The following CAMK4 variants were observed in gnomAD, a reference collection of about 807,000 sequenced individuals.
CAMK4 encodes the protein calcium/calmodulin dependent protein kinase IV, also known as calcium/calmodulin-dependent protein kinase type IV.
In CAMK4, 22 loss-of-function variants were observed where a neutral mutation model predicts 44.9. The ratio of observed to expected loss-of-function variants is 0.49; its 90% CI spans 0.35 to 0.70. CAMK4 has a LOEUF of 0.70. Among genes scored for constraint, CAMK4 ranks in the 30% least tolerant of loss-of-function variants. The pLI is 0.01. For synonymous variants in CAMK4, 218 were observed against 215.4 expected (o/e 1.01, Z -0.11); for missense variants, 498 against 586.8 (o/e 0.85, Z 1.56).
chr5:111,294,427 T>C (rs533414498), intron 1 of CAMK4, among the ~76,000 whole-genome samples: 1 of 152,344 alleles, frequency 6.6e-6, no homozygotes, highest in South Asian at 2.1e-4. Flanking sequence ...AATGTGCATA[T>C]TTTTGTAATT....
intron 1 of CAMK4, among the ~76,000 whole-genome samples, chr5:111,260,987 C>T (rs550573647): frequency 1.3e-5 from 2 of 152,284 alleles, no homozygotes; most frequent in Admixed American, 6.5e-5. Context: ...TGCTCTCACC[C>T]TACCTTTCAA....
chr5:111,253,579 A>G (rs1179495280), intron 1 of CAMK4, among the ~76,000 whole-genome samples: 4 of 152,244 alleles, frequency 2.6e-5, no homozygotes, highest in Admixed American at 1.3e-4. Context: ...CCATGTTGAG[A>G]AAAATGAAAG....
intron 1 of CAMK4, among the ~76,000 whole-genome samples, chr5:111,228,395 G>A (rs534429712): frequency 6.6e-6 from 1 of 151,906 alleles, no homozygotes; most frequent in Non-Finnish European, 1.5e-5. Flanking sequence ...ACAATTATGT[G>A]TATACATTTA....
chr5:111,312,890 C>A (rs73786891), intron 1 of CAMK4, among the ~76,000 whole-genome samples: 3,140 of 152,184 alleles, frequency 0.021, 110 homozygotes, highest in African/African-American at 0.071. Context: ...CGTTTTAATG[C>A]GGCCCTCCTT....
rs1755875414 is a variant in CAMK4 at position 111,492,331 on chromosome 5, C to T, written c.*7865C>T. 6.6e-6 allele frequency: 1 copy of T among 151,982 alleles called. No homozygotes were observed. Among genetic ancestry groups the T allele is most frequent in the Non-Finnish European group, 1.5e-5 (1 of 68,004 alleles). 9.4% of individuals were successfully genotyped at this position (151,982 alleles called of 1,614,324 possible). On this transcript the variant is annotated 3_prime_UTR_variant, in exon 11 of 11. Transcript: ENST00000282356. Reference sequence around the variant, plus strand: ...CAGCAATATTATTGCTCTATTATTACAGCAATCAATAATATAATATAGCCA... The same window carrying T: ...CAGCAATATTATTGCTCTATTATTATAGCAATCAATAATATAATATAGCCA...
intron 1 of CAMK4, among the ~76,000 whole-genome samples, chr5:111,335,855 A>C (rs1349018640): frequency 1.3e-5 from 2 of 151,398 alleles, no homozygotes; most frequent in African/African-American, 4.8e-5. Flanking sequence ...TATAATGTAC[A>C]AATACTACAT....
chr5:111,327,269 T>C (rs569921512), intron 1 of CAMK4, among the ~76,000 whole-genome samples: 110 of 152,282 alleles, frequency 7.2e-4, no homozygotes, highest in African/African-American at 2.5e-3. Flanking sequence ...TTTGGTTTTT[T>C]GTCCTTGTGA....
intron 5 of CAMK4, among the ~76,000 whole-genome samples, chr5:111,423,145 G>A (rs1025459401): frequency 1.3e-5 from 2 of 152,126 alleles, no homozygotes; most frequent in African/African-American, 2.4e-5. Context: ...GTTTCTAAAG[G>A]AAAACGAGGC....
chr5:111,264,006 C>T (rs778666602), intron 1 of CAMK4, among the ~76,000 whole-genome samples: 9 of 152,218 alleles, frequency 5.9e-5, no homozygotes, highest in Non-Finnish European at 1.0e-4. Context: ...TCCTTTCTGT[C>T]TTTTGAAACT....
intron 2 of CAMK4, among the ~76,000 whole-genome samples, chr5:111,356,627 A>G (rs1014426705): frequency 7.9e-5 from 12 of 152,282 alleles, no homozygotes; most frequent in Admixed American, 7.2e-4. Flanking sequence ...TAGGGTTTTT[A>G]TGGTTTTAGG....
intron 1 of CAMK4, among the ~76,000 whole-genome samples, chr5:111,226,149 T>C (rs1406123205): frequency 2.0e-5 from 3 of 152,218 alleles, no homozygotes; most frequent in African/African-American, 7.2e-5. Context: ...GTAGCACATC[T>C]GTTTTCAGAG....
chr5:111,381,932 G>T (rs947182054), intron 4 of CAMK4, among the ~76,000 whole-genome samples: 8 of 24,708 alleles, frequency 3.2e-4, no homozygotes, highest in Middle Eastern at 0.019. Flanking sequence ...TATGAAAACA[G>T]AATTAGTAAT....
At chr5:111,280,008 T>C (rs1297569462) in intron 1 of CAMK4, among the ~76,000 whole-genome samples, 1 of 152,208 alleles carries the variant, frequency 6.6e-6, no homozygotes, top group South Asian at 2.1e-4. Context: ...CACAGCAGTA[T>C]TGAGGTCAGA....
intron 5 of CAMK4, among the ~76,000 whole-genome samples, chr5:111,429,938 A>G (rs1753378329): frequency 6.6e-6 from 1 of 151,070 alleles, no homozygotes; most frequent in South Asian, 2.1e-4. Flanking sequence ...AAAAAATAGA[A>G]GAGGAGGGAA....
rs76222718 is a variant in CAMK4 at position 111,445,986 on chromosome 5, G to A, written c.460-700G>A. On this transcript the variant is annotated intron_variant, in intron 5 of 10. Coordinates refer to ENST00000282356, the MANE Select transcript of CAMK4 (RefSeq NM_001744.6). ...GGAAGGGAAATCAGGTAGGACTTCAGCATTTACAATGAGAATATGTTGCAT... is the reference window on the plus strand; with the variant it reads ...GGAAGGGAAATCAGGTAGGACTTCAACATTTACAATGAGAATATGTTGCAT... Among the ~76,000 whole-genome samples the A allele has an allele frequency of 3.5e-3, 537 of 152,296 alleles. 3 individuals are homozygous for A. Among genetic ancestry groups the A allele is most frequent in the African/African-American group, 0.012 (501 of 41,550 alleles).
At chr5:111,400,447 G>A (rs1752181700) in intron 5 of CAMK4, among the ~76,000 whole-genome samples, 3 of 152,172 alleles carry the variant, frequency 2.0e-5, no homozygotes, top group Admixed American at 2.0e-4. Context: ...CTTATATCTA[G>A]GCTGGTTGTT....
chr5:111,334,804 C>T (rs1443549530), intron 1 of CAMK4, among the ~76,000 whole-genome samples: 1 of 118,116 alleles, frequency 8.5e-6, no homozygotes, highest in East Asian at 2.6e-4. Flanking sequence ...CAATCAAATG[C>T]AAAAACAAAA....
At chr5:111,289,793 G>A (rs1751372055) in intron 1 of CAMK4, among the ~76,000 whole-genome samples, 1 of 152,202 alleles carries the variant, frequency 6.6e-6, no homozygotes, top group African/African-American at 2.4e-5. Context: ...GATGCCCAAT[G>A]AATCACCCCA....
At chr5:111,231,081 A>C (rs181776152) in intron 1 of CAMK4, among the ~76,000 whole-genome samples, 8 of 152,328 alleles carry the variant, frequency 5.3e-5, no homozygotes, top group Admixed American at 3.3e-4. Flanking sequence ...TGAAGATTTC[A>C]TGACTCCAAT....
Sources: gnomAD v4.1 joint callset for allele counts (sites outside exome capture counted in the v4.1 genomes callset) on GRCh38, gnomAD v4.1.1 for gene constraint, MANE v1.5 for transcripts, NCBI Gene and HGNC (gene_info 2026-07-23, HGNC 2026-07-21) for gene names.